Variants in HNF1B observed in about 807,000 individuals in gnomAD.
HNF1B encodes HNF1 homeobox B, also known as hepatocyte nuclear factor 1-beta.
HNF1B carries 8 observed loss-of-function variants against 61.7 expected under a neutral mutation model. The ratio of observed to expected loss-of-function variants is 0.13; its 90% confidence interval spans 0.08 to 0.23. HNF1B has a LOEUF of 0.23. Ranked by LOEUF, HNF1B falls within the 10% of genes least tolerant of loss-of-function variation. The probability of loss-of-function intolerance (pLI) is 1.00; values close to 1 mark genes in which losing one functional copy is unlikely to be tolerated. For synonymous variants in HNF1B, 314 were observed against 287.7 expected, an observed-to-expected ratio of 1.09 and a Z score of -0.93; for missense variants, 562 against 714.5, an observed-to-expected ratio of 0.79 and a Z score of 2.43.
intron 3 of HNF1B, among the ~76,000 whole-genome samples, chr17:37,732,176 A>G (rs1187639273): frequency 6.6e-6 from 1 of 152,156 alleles, no homozygotes; most frequent in South Asian, 2.1e-4. Context: ...CATTCTTCCC[A>G]CCACATAAAA....
At chr17:37,711,688 GTTC>G (rs2032941191) in intron 4 of HNF1B, among the ~76,000 whole-genome samples, 1 of 152,216 alleles carries the variant, frequency 6.6e-6, no homozygotes, top group Admixed American at 6.5e-5. Flanking sequence ...GAAAGACAGT[GTTC>G]TTGTTTTTTG....
chr17:37,739,827 G>A lies in HNF1B; in HGVS notation c.345-188C>T, dbSNP rs552718598. 1.6e-4 allele frequency among the ~76,000 whole-genome samples: 24 copies of A among 152,146 alleles called. No homozygotes were observed. The South Asian group carries it at 4.1e-3, about 26-fold the overall frequency. ...GAGGAGAAGGTGACTGCCCCTGTAC[G>A]GTACACCTCATCCCTTTCTTCTGAG... On this transcript the variant is annotated intron_variant, in intron 1 of 8. Coordinates refer to ENST00000617811, the MANE Select transcript of HNF1B (RefSeq NM_000458.4).
At position 37,733,445 on chromosome 17, in the gene HNF1B, A is replaced by G. The variant is rs1043189914; in HGVS notation, c.809+112T>C. The G allele has an allele frequency of 4.8e-6, 6 of 1,256,100 alleles. No homozygotes were observed. In the South Asian group the frequency reaches 7.2e-5, roughly 15 times the overall value. 77.8% of individuals were successfully genotyped at this position (1,256,100 alleles called of 1,614,324 possible). On this transcript the variant is annotated intron_variant, in intron 3 of 8. Transcript: ENST00000617811. ...GTGGAACATACTTTGAGAAGCTCTG[A>G]TTTAGCCACACTTATCTGTATAACT...
intron 4 of HNF1B, among the ~76,000 whole-genome samples, chr17:37,722,250 G>A (rs147554737): frequency 1.1e-4 from 17 of 152,286 alleles, no homozygotes; most frequent in Non-Finnish European, 1.6e-4. Flanking sequence ...AAGCTCTTCC[G>A]TTCTCTCAAC....
At chr17:37,711,120 TA>T (rs1237108145) in intron 4 of HNF1B, among the ~76,000 whole-genome samples, 2 of 152,302 alleles carry the variant, frequency 1.3e-5, no homozygotes, top group East Asian at 1.9e-4. Flanking sequence ...TGCTGCAAAG[TA>T]TAAGTAGACC....
intron 4 of HNF1B, among the ~76,000 whole-genome samples, chr17:37,727,812 TG>T (rs2033550560): frequency 6.6e-6 from 1 of 152,104 alleles, no homozygotes; most frequent in Non-Finnish European, 1.5e-5. Context: ...AAGAGGGTTC[TG>T]GGGAAGCTTC....
At chr17:37,720,705 G>A (rs2033284318) in intron 4 of HNF1B, 1 of 785,852 alleles carries the variant, frequency 1.3e-6, no homozygotes, top group Admixed American at 6.2e-5. Context: ...ACAGGGCTAT[G>A]GGCTGGAGAC....
intron 8 of HNF1B, among the ~76,000 whole-genome samples, chr17:37,689,530 A>G (rs1388824132): frequency 6.6e-6 from 1 of 152,232 alleles, no homozygotes; most frequent in Non-Finnish European, 1.5e-5. Flanking sequence ...CAAAAGAACT[A>G]GAGTTATTTG....
Position 37,699,172 on chromosome 17 carries a change from G to T in HNF1B, c.1557C>A (p.Pro519=), listed in dbSNP as rs1756376164. The change falls in exon 8 of 9, where the codon CCC becomes CCA. Residue 519 remains proline, a synonymous_variant. Transcript: ENST00000617811. The stretch of plus-strand genomic sequence containing the variant: ...ACCGGGAGGTGTGGGAATACTGGGG[G>T]GGTTCCTGCTTGTGTGCGTACACTG... ...NSHMYAHKQE[P]PQYSHTSRFP... 30 of 1,614,106 alleles carry T rather than the reference G, an allele frequency of 1.9e-5. No individual in the cohort carries two copies. Among genetic ancestry groups the T allele is most frequent in the Non-Finnish European group, 2.5e-5 (29 of 1,179,988 alleles).
intron 4 of HNF1B, among the ~76,000 whole-genome samples, chr17:37,716,845 T>TCC (rs2033134928): frequency 3.3e-5 from 1 of 30,388 alleles, no homozygotes; most frequent in Non-Finnish European, 6.3e-5. Context: ...TTTAACAATC[T>TCC]CTCTCTCTCT....
intron 8 of HNF1B, among the ~76,000 whole-genome samples, chr17:37,691,711 C>T (rs1225697619): frequency 6.6e-6 from 1 of 152,154 alleles, no homozygotes; most frequent in African/African-American, 2.4e-5. Flanking sequence ...GAGGCTAAGA[C>T]ATTTCTCTGA....
chr17:37,716,842 A>ATCTCTCTCTCTCTCTCTC (rs55634127), intron 4 of HNF1B, among the ~76,000 whole-genome samples: 28 of 131,284 alleles, frequency 2.1e-4, no homozygotes, highest in African/African-American at 7.0e-4. Context: ...CACTTTAACA[A>ATCTCTCTCTCTCTCTCTC]TCTCTCTCTC....
At chr17:37,732,191 A>C (rs1418629710) in intron 3 of HNF1B, among the ~76,000 whole-genome samples, 1 of 152,150 alleles carries the variant, frequency 6.6e-6, no homozygotes, top group African/African-American at 2.4e-5. Flanking sequence ...ATAAAAGGCA[A>C]AGCCCTTCGC....
At position 37,744,827 on chromosome 17, in the gene HNF1B, C is replaced by T. The variant is rs1052557621; in HGVS notation, c.58G>A (p.Gly20Arg). Residue 20 changes from glycine (G) to arginine (R), a missense_variant, in exon 1 of 9, where the codon GGG becomes AGG. Around this residue, in one of 6 missense-constraint regions of HNF1B, gnomAD observed 148 missense variants for 147.3 expected, o/e 1.00. Coordinates refer to ENST00000617811, the MANE Select transcript of HNF1B (RefSeq NM_000458.4). ...QELLSALLSS[G>R]VTKEVLVQAL... ...TGAACCAGCACCTCCTTGGTGACCC[C>T]GGAGCTCAGCAGGGCGCTCAGGAGT... 1.3e-6 allele frequency: 2 copies of T among 1,544,402 alleles called. No homozygotes were observed. Among genetic ancestry groups the T allele is most frequent in the South Asian group, 1.1e-5 (1 of 90,150 alleles).
chr17:37,701,599 T>C (rs2032574048), intron 6 of HNF1B, among the ~76,000 whole-genome samples: 1 of 152,300 alleles, frequency 6.6e-6, no homozygotes, highest in Non-Finnish European at 1.5e-5. Flanking sequence ...CCCAGATCGG[T>C]CTGTCCAGTA....
intron 8 of HNF1B, among the ~76,000 whole-genome samples, chr17:37,694,622 G>A (rs763365619): frequency 3.9e-5 from 6 of 152,188 alleles, no homozygotes; most frequent in Non-Finnish European, 8.8e-5. Context: ...ACTATGGAGA[G>A]TGAAGGCCAG....
At chr17:37,722,399 G>A (rs149114629) in intron 4 of HNF1B, among the ~76,000 whole-genome samples, 18 of 152,308 alleles carry the variant, frequency 1.2e-4, no homozygotes, top group Non-Finnish European at 2.2e-4. Flanking sequence ...TTGGGACAGA[G>A]AAGCTAATAA....
chr17:37,695,992 C>G (rs1301262299), intron 8 of HNF1B, among the ~76,000 whole-genome samples: 2 of 152,004 alleles, frequency 1.3e-5, no homozygotes, highest in African/African-American at 4.8e-5. Context: ...ATTTGGGAGG[C>G]CAGGGGTGGA....
Position 37,744,919 on chromosome 17 carries a change from T to TGGGGGGGGGGGGGGG in HNF1B, c.-36_-35insCCCCCCCCCCCCCCC. 31 of 378,122 alleles carry TGGGGGGGGGGGGGGG rather than the reference T, an allele frequency of 8.2e-5. No individual in the cohort carries two copies. Among genetic ancestry groups the TGGGGGGGGGGGGGGG allele is most frequent in the East Asian group, 3.0e-4 (6 of 20,014 alleles). 23.4% of individuals were successfully genotyped at this position (378,122 alleles called of 1,614,324 possible). A position where few individuals can be genotyped will look rare whatever the true frequency, so the allele number is the denominator to read the frequency against. On this transcript the variant is annotated 5_prime_UTR_variant, in exon 1 of 9. Transcript: ENST00000617811. ...ACGGAAAAAGAAGGGGGTGAGGGGG[T>TGGGGGGGGGGGGGGG]GGGTGGGTGCGAGAGAGGAGGGTGG...
Sources: gnomAD v4.1 joint callset for allele counts (sites outside exome capture counted in the v4.1 genomes callset) on GRCh38, gnomAD v4.1.1 for gene constraint, gnomAD v4.1.1 regional missense constraint, MANE v1.5 for transcripts, NCBI Gene and HGNC (gene_info 2026-07-23, HGNC 2026-07-21) for gene names.